Variants in APOL5 observed in about 807,000 individuals in gnomAD.
The protein encoded by APOL5 is apolipoprotein L, 5.
In APOL5, 29 loss-of-function variants were observed where a neutral mutation model predicts 35.5. The observed-to-expected ratio is 0.82, with a 90% CI of 0.61 to 1.11. APOL5 has a LOEUF of 1.11. Among genes scored for constraint, APOL5 ranks in the 50% most tolerant of loss-of-function variants. The pLI is 0.00. For synonymous variants in APOL5, 188 were observed against 200.2 expected, an observed-to-expected ratio of 0.94 and a Z score of 0.51; for missense variants, 514 against 530.4, an observed-to-expected ratio of 0.97 and a Z score of 0.30.
In APOL5 at chr22:35,729,038, G is replaced by A. The variant is rs1435886974; in HGVS notation, c.*6+134G>A. On this transcript the variant is annotated intron_variant, in intron 4 of 4. Transcript: ENST00000249044. ...AGAGGTTGTTGCTACCTTTCCATCCGGCCACCTGCCACGCCACCTGGTGCC... is the reference window on the plus strand; with the variant it reads ...AGAGGTTGTTGCTACCTTTCCATCCAGCCACCTGCCACGCCACCTGGTGCC... 1.2e-5 allele frequency: 12 copies of A among 1,012,272 alleles called. No individual in the cohort carries two copies. The South Asian group carries it at 1.6e-4, about 13-fold the overall frequency. 62.7% of individuals were successfully genotyped at this position (1,012,272 alleles called of 1,614,324 possible). A position where few individuals can be genotyped will look rare whatever the true frequency, so the allele number is the denominator to read the frequency against.
At chr22:35,713,076 C>T (rs1926637901), upstream of APOL5, among the ~76,000 whole-genome samples, 2 of 152,190 alleles carry the variant, frequency 1.3e-5, no homozygotes, top group Admixed American at 1.3e-4. Context: ...ACACCCATTG[C>T]CTTGAAGAGA....
Position 35,720,596 on chromosome 22 carries a change from G to A in APOL5, c.84G>A (p.Trp28Ter). Residue 28 changes from tryptophan (W) to a stop codon, truncating the protein, a stop_gained, in exon 2 of 5, where the codon TGG becomes TGA. Coordinates refer to ENST00000249044, the MANE Select transcript of APOL5 (RefSeq NM_030642.1). LOFTEE classifies it high-confidence loss of function. ...PGLGEGCKEM[W>*]LRKVIYGGEV... ...TGGGAGAAGGTTGTAAAGAAATGTGGCTTCGAAAGGTAATCTACGGAGGTG... is the reference window on the plus strand; with the variant it reads ...TGGGAGAAGGTTGTAAAGAAATGTGACTTCGAAAGGTAATCTACGGAGGTG... 1.2e-6 allele frequency: 2 copies of A among 1,614,176 alleles called. No individual in the cohort carries two copies. The highest frequency in any genetic ancestry group is 1.7e-6 in the Non-Finnish European group (2 of 1,180,024).
At chr22:35,719,049 C>T (rs961381606) in intron 1 of APOL5, among the ~76,000 whole-genome samples, 3 of 84,866 alleles carry the variant, frequency 3.5e-5, no homozygotes, top group East Asian at 3.5e-4. Context: ...ACAGTGAGAC[C>T]GTCTCAAAAA....
At chr22:35,727,996 C>T (rs992413235) in intron 3 of APOL5, among the ~76,000 whole-genome samples, 28 of 152,190 alleles carry the variant, frequency 1.8e-4, no homozygotes, top group Non-Finnish European at 5.9e-5. Context: ...AAGTGTTTGC[C>T]GAAGATGTGA....
intron 2 of APOL5, among the ~76,000 whole-genome samples, chr22:35,724,759 C>T (rs1927092052): frequency 6.6e-6 from 1 of 152,038 alleles, no homozygotes; most frequent in Non-Finnish European, 1.5e-5. Context: ...TACAGGCGCC[C>T]ACTACCGTGC....
intron 2 of APOL5, among the ~76,000 whole-genome samples, chr22:35,722,492 G>C (rs978962728): frequency 2.6e-5 from 4 of 152,100 alleles, no homozygotes; most frequent in Non-Finnish European, 4.4e-5. Context: ...TAGTAGACAG[G>C]GTTTCACCAC....
Position 35,727,960 on chromosome 22 carries a change from A to G in APOL5, c.1127-763A>G, listed in dbSNP as rs963985876. Among the ~76,000 whole-genome samples, 8 of 152,250 alleles carry G rather than the reference A, an allele frequency of 5.3e-5. No individual in the cohort carries two copies. The East Asian group carries it at 1.5e-3, about 29-fold the overall frequency. On this transcript the variant is annotated intron_variant, in intron 3 of 4. Transcript: ENST00000249044. ...AGAATGACGCGGTAGCAAGGTCACA[A>G]CCTGAAACCCGGGAAAAGGACACAT...
intron 1 of APOL5, 101 bp downstream of exon 1, chr22:35,718,027 A>G (rs1926821663): frequency 1.9e-5 from 17 of 902,976 alleles, no homozygotes; most frequent in Non-Finnish European, 2.7e-5. Flanking sequence ...TACCCACCAT[A>G]TGCTATTGCT....
At chr22:35,720,051 C>T (rs1926908725) in intron 1 of APOL5, among the ~76,000 whole-genome samples, 1 of 152,158 alleles carries the variant, frequency 6.6e-6, no homozygotes, top group African/African-American at 2.4e-5. Context: ...TATTCTTCTT[C>T]CTGTGTGTTC....
chr22:35,708,599 C>T, the APOL5 span, among the ~76,000 whole-genome samples: 1 of 152,092 alleles, frequency 6.6e-6, no homozygotes, highest in South Asian at 2.1e-4. Flanking sequence ...TCTTCACAAA[C>T]ATCGCTTGGA....
At chr22:35,715,376 G>A (rs1448442099), upstream of APOL5, among the ~76,000 whole-genome samples, 1 of 152,194 alleles carries the variant, frequency 6.6e-6, no homozygotes, top group African/African-American at 2.4e-5. Flanking sequence ...GGGCGTAGTG[G>A]CTCAGGACTT....
chr22:35,722,488 A>G (rs1435627177), intron 2 of APOL5, among the ~76,000 whole-genome samples: 7 of 152,152 alleles, frequency 4.6e-5, no homozygotes, highest in Non-Finnish European at 1.0e-4. Context: ...TTTTTAGTAG[A>G]CAGGGTTTCA....
chr22:35,714,483 G>A (rs73885432), upstream of APOL5, among the ~76,000 whole-genome samples: 3,797 of 152,186 alleles, frequency 0.025, 154 homozygotes, highest in African/African-American at 0.087. Flanking sequence ...TGTGGCCCTC[G>A]AGGGAGATAT....
intron 3 of APOL5, 81 bp from the exon 4 acceptor site, chr22:35,728,642 G>A: frequency 1.3e-6 from 2 of 1,491,898 alleles, no homozygotes; most frequent in Non-Finnish European, 1.8e-6. Flanking sequence ...TTGCTCTCTG[G>A]GGACATATTT....
At chr22:35,716,030 A>G (rs183402436), upstream of APOL5, among the ~76,000 whole-genome samples, 1 of 152,340 alleles carries the variant, frequency 6.6e-6, no homozygotes, top group Admixed American at 6.5e-5. Context: ...GTAATTTTCT[A>G]CATCCAAGAG....
chr22:35,724,566 T>C (rs1450436965), intron 2 of APOL5, among the ~76,000 whole-genome samples: 1 of 152,176 alleles, frequency 6.6e-6, no homozygotes, highest in Non-Finnish European at 1.5e-5. Context: ...TAAGTTACAT[T>C]TTATTCATCA....
At chr22:35,712,458 T>C in the APOL5 span, among the ~76,000 whole-genome samples, 3 of 152,170 alleles carry the variant, frequency 2.0e-5, no homozygotes, top group African/African-American at 2.4e-5. Context: ...CCTCAAGTGA[T>C]CCTCCCACCT....
At chr22:35,716,764 A>G (rs1926757744), upstream of APOL5, among the ~76,000 whole-genome samples, 1 of 152,112 alleles carries the variant, frequency 6.6e-6, no homozygotes, top group East Asian at 1.9e-4. Context: ...AAAAATAAGA[A>G]AAGAATATAA....
In APOL5 at chr22:35,726,377, C is replaced by G; in HGVS notation, c.309C>G (p.Leu103=). Reference sequence around the variant, plus strand: ...TGTCAGAGGAGGAAAAATTGTTTCTCTCATATTTTCCTTTGCACAAGTTTG... The same window carrying G: ...TGTCAGAGGAGGAAAAATTGTTTCTGTCATATTTTCCTTTGCACAAGTTTG... ...GNLSEEEKLF[L]SYFPLHKFEL... The change falls in exon 3 of 5, where the codon CTC becomes CTG. Residue 103 remains leucine (L), a synonymous_variant. Transcript: ENST00000249044. 1 of 1,614,128 alleles carries G rather than the reference C, an allele frequency of 6.2e-7. No homozygotes were observed.
Sources: gnomAD v4.1 joint callset for allele counts (sites outside exome capture counted in the v4.1 genomes callset) on GRCh38, gnomAD v4.1.1 for gene constraint, MANE v1.5 for transcripts, NCBI Gene and HGNC (gene_info 2026-07-23, HGNC 2026-07-21) for gene names.